TEX261: variants seen among roughly 807,000 people sequenced by gnomAD.
TEX261 encodes protein TEX261.
TEX261 carries 13 observed loss-of-function variants against 25.1 expected under a neutral mutation model. The observed-to-expected ratio is 0.52, with a 90% CI of 0.34 to 0.82. TEX261 has a LOEUF of 0.82. TEX261 is among the 40% of genes least tolerant of loss of function. The pLI is 0.02. For synonymous variants in TEX261, 92 were observed against 97.8 expected (o/e 0.94, Z 0.35); for missense variants, 206 against 243.2 (o/e 0.85, Z 1.02).
chr2:70,989,287 T>A, intron 4 of TEX261: 1 of 526,816 alleles, frequency 1.9e-6, no homozygotes, highest in Non-Finnish European at 3.4e-6. Context: ...GCAGACAAAG[T>A]GCTAAGCCAT....
intron 4 of TEX261, 122 bp from the exon 5 acceptor site, chr2:70,989,139 G>A: frequency 3.7e-6 from 3 of 816,574 alleles, no homozygotes; most frequent in Non-Finnish European, 6.1e-6. Context: ...AGGGGGCCCA[G>A]GCCTGGGAAG....
chr2:70,986,130 G>C lies in TEX261; in HGVS notation c.*2470C>G, dbSNP rs1670179281. On this transcript the variant is annotated 3_prime_UTR_variant, in exon 6 of 6. Coordinates refer to ENST00000272438, the MANE Select transcript of TEX261 (RefSeq NM_144582.3). ...TGCCAGGGTGGGGGTCGGGAGGAGA[G>C]AGTATAGCCAAAGCTCCTTGGAGGA... The C allele has an allele frequency of 1.3e-5, 2 of 152,380 alleles. No individual in the cohort carries two copies. The highest frequency in any genetic ancestry group is 2.4e-5 in the African/African-American group (1 of 41,444). 9.4% of individuals were successfully genotyped at this position (152,380 alleles called of 1,614,324 possible).
chr2:70,994,462 G>A, intron 1 of TEX261: 1 of 589,388 alleles, frequency 1.7e-6, no homozygotes, highest in Non-Finnish European at 2.9e-6. Context: ...CCCTTTCTCG[G>A]GCAGTGCCGG....
At chr2:70,992,997 C>A (rs1288763167) in intron 2 of TEX261, among the ~76,000 whole-genome samples, 1 of 152,248 alleles carries the variant, frequency 6.6e-6, no homozygotes, top group Non-Finnish European at 1.5e-5. Flanking sequence ...AGCTGGGCCT[C>A]TGGACCAGAG....
At position 70,986,228 on chromosome 2, in the gene TEX261, T is replaced by G. The variant is rs551950359; in HGVS notation, c.*2372A>C. On this transcript the variant is annotated 3_prime_UTR_variant, in exon 6 of 6. Coordinates refer to ENST00000272438, the MANE Select transcript of TEX261 (RefSeq NM_144582.3). ...GACCAAAAGAAAGGAGGAATCAGAG[T>G]GGCAATGGAGAGCCACTGCATCTCT... 3 of 152,374 alleles carry G rather than the reference T, an allele frequency of 2.0e-5. No individual in the cohort carries two copies. The highest frequency in any genetic ancestry group is 7.2e-5 in the African/African-American group (3 of 41,396). The allele number at this position is 152,374 out of a possible 1,614,324, so 9.4% of individuals were successfully genotyped here. A position where few individuals can be genotyped will look rare whatever the true frequency, so the allele number is the denominator to read the frequency against.
chr2:70,989,306 G>A, intron 4 of TEX261: 1 of 499,244 alleles, frequency 2.0e-6, no homozygotes, highest in South Asian at 2.2e-5. Context: ...ATGACTGACT[G>A]ACCCACACCC....
intron 1 of TEX261, chr2:70,994,461 G>C (rs1670368998): frequency 5.1e-6 from 3 of 586,040 alleles, no homozygotes; most frequent in South Asian, 2.1e-5. Context: ...ACCCTTTCTC[G>C]GGCAGTGCCG....
intron 3 of TEX261, 74 bp downstream of exon 3, chr2:70,991,756 C>A: frequency 6.5e-7 from 1 of 1,539,822 alleles, no homozygotes; most frequent in Non-Finnish European, 8.8e-7. Flanking sequence ...TTTTCTGTAT[C>A]CCCTTTAGTG....
At chr2:70,991,252 C>A (rs1300364580) in intron 3 of TEX261, among the ~76,000 whole-genome samples, 4 of 152,214 alleles carry the variant, frequency 2.6e-5, no homozygotes, top group Middle Eastern at 3.2e-3. Flanking sequence ...GCCAATGATT[C>A]CCCAGGGTCA....
In TEX261 at chr2:70,994,685, C is replaced by T; in HGVS notation, c.70+3G>A. On this transcript the variant is annotated splice_donor_region_variant and intron_variant, in intron 1 of 5. Transcript: ENST00000272438. Reference sequence around the variant, plus strand: ...CGCGCGGGCCGGGGTCGTGCAGTCTCACCGACAGCCAGCGTGATGAAGGCC... The same window carrying T: ...CGCGCGGGCCGGGGTCGTGCAGTCTTACCGACAGCCAGCGTGATGAAGGCC... 1 of 1,598,494 alleles carries T rather than the reference C, an allele frequency of 6.3e-7. No homozygotes were observed. The highest frequency in any genetic ancestry group is 8.5e-7 in the Non-Finnish European group (1 of 1,173,690).
intron 1 of TEX261, among the ~76,000 whole-genome samples, chr2:70,994,321 C>T (rs1454352824): frequency 6.6e-6 from 1 of 152,254 alleles, no homozygotes; most frequent in African/African-American, 2.4e-5. Flanking sequence ...GTGGAGAGAG[C>T]AGGGAGCATG....
rs1348125135 is a variant in TEX261 at position 70,994,829 on chromosome 2, G to A, written c.-72C>T. 1.4e-5 allele frequency: 18 copies of A among 1,282,610 alleles called. No individual in the cohort carries two copies. The South Asian group carries it at 1.9e-4, about 14-fold the overall frequency. 79.5% of individuals were successfully genotyped at this position (1,282,610 alleles called of 1,614,324 possible). On this transcript the variant is annotated 5_prime_UTR_variant, in exon 1 of 6. Transcript: ENST00000272438. The stretch of plus-strand genomic sequence containing the variant: ...GCTTCGGCTCCGGCGACACACAGCC[G>A]CCACCGCCGCCGCCGCCGCCGCGTC...
intron 4 of TEX261, chr2:70,989,314 C>G: frequency 4.1e-6 from 2 of 485,886 alleles, no homozygotes; most frequent in Non-Finnish European, 7.5e-6. Flanking sequence ...CTGACCCACA[C>G]CCCCCAAAGA....
Position 70,987,734 on chromosome 2 carries a change from C to A in TEX261, c.*866G>T, listed in dbSNP as rs1670217790. 1 of 152,162 alleles carries A rather than the reference C, an allele frequency of 6.6e-6. No individual in the cohort carries two copies. The highest frequency in any genetic ancestry group is 2.1e-4 in the South Asian group (1 of 4,834). The allele number at this position is 152,162 out of a possible 1,614,324, so 9.4% of individuals were successfully genotyped here. On this transcript the variant is annotated 3_prime_UTR_variant, in exon 6 of 6. Transcript: ENST00000272438. Reference sequence around the variant, plus strand: ...ATTTTTATTTTGTTTCTCCTTGAGCCTAAGATAGTATTCAGCCAGAAACCA... The same window carrying A: ...ATTTTTATTTTGTTTCTCCTTGAGCATAAGATAGTATTCAGCCAGAAACCA...
chr2:70,992,615 G>A (rs1553425769), intron 2 of TEX261, among the ~76,000 whole-genome samples: 2 of 151,922 alleles, frequency 1.3e-5, no homozygotes, highest in African/African-American at 4.8e-5. Context: ...TATAATCCCA[G>A]CTACTCGGGA....
chr2:70,992,209 G>A (rs572011505), intron 2 of TEX261, among the ~76,000 whole-genome samples: 3 of 150,702 alleles, frequency 2.0e-5, no homozygotes, highest in Non-Finnish European at 2.9e-5. Flanking sequence ...GCAGTGGCGC[G>A]ATCTCCTGGA....
chr2:70,993,654 G>A lies in TEX261; in HGVS notation c.150+42C>T, dbSNP rs199909979. 641 of 1,525,098 alleles carry A rather than the reference G, an allele frequency of 4.2e-4. 1 individual carries two copies. Among genetic ancestry groups the A allele is most frequent in the African/African-American group, 1.1e-3 (78 of 73,300 alleles). The allele number at this position is 1,525,098 out of a possible 1,614,324, so 94.5% of individuals were successfully genotyped here. On this transcript the variant is annotated intron_variant, in intron 2 of 5. Coordinates refer to ENST00000272438, the MANE Select transcript of TEX261 (RefSeq NM_144582.3). ...CCCCACTTCCTGCTTTTGAGGCAGG[G>A]CAAAAGAGTGAGGAGGACTCCTGGA...
At chr2:70,993,828 G>A in intron 1 of TEX261, 53 bp from the exon 2 acceptor site, 2 of 1,430,510 alleles carry the variant, frequency 1.4e-6, no homozygotes, top group East Asian at 2.3e-5. Context: ...CCACCATCCT[G>A]GTCACCCCTC....
chr2:70,987,616 T>C lies in TEX261; in HGVS notation c.*984A>G, dbSNP rs1278617064. 1 of 152,454 alleles carries C rather than the reference T, an allele frequency of 6.6e-6. No homozygotes were observed. The highest frequency in any genetic ancestry group is 1.5e-5 in the Non-Finnish European group (1 of 68,014). 9.4% of individuals were successfully genotyped at this position (152,454 alleles called of 1,614,324 possible). On this transcript the variant is annotated 3_prime_UTR_variant, in exon 6 of 6. Coordinates refer to ENST00000272438, the MANE Select transcript of TEX261 (RefSeq NM_144582.3). ...GATATATCTCCCCAGGAGCCAAGAG[T>C]GCACAGACGGGCCAGGGCTTGGATG...
Sources: allele counts gnomAD v4.1 joint callset (sites outside exome capture counted in the v4.1 genomes callset), GRCh38; gene constraint gnomAD v4.1.1; transcripts MANE v1.5; gene names NCBI Gene and HGNC (gene_info 2026-07-23, HGNC 2026-07-21).